Variants in HIPK3 observed in about 807,000 individuals in gnomAD.
HIPK3 encodes homeodomain interacting protein kinase 3.
Under a neutral mutation model 124.2 loss-of-function variants are expected in HIPK3, and 47 were observed. The observed-to-expected ratio is 0.38, with a 90% CI of 0.30 to 0.48. The LOEUF is 0.48. Ranked by LOEUF, HIPK3 falls within the 20% of genes least tolerant of loss-of-function variation. HIPK3 has a pLI of 0.98. For synonymous variants in HIPK3, 482 were observed against 515.2 expected, an observed-to-expected ratio of 0.94 and a Z score of 0.87; for missense variants, 1,286 against 1,454.3, an observed-to-expected ratio of 0.88 and a Z score of 1.88.
Position 33,348,548 on chromosome 11 carries a change from T to A in HIPK3, c.2396T>A (p.Ile799Asn). ...AGTAATTCATTACAGAATACCAATA[T>A]CCCACATTCAGCATTTATTTCTCCA... is the stretch of plus-strand genomic sequence containing the variant. ...SWSNSLQNTN[I>N]PHSAFISPKI... The change falls in exon 13 of 17, where the codon ATC (isoleucine) becomes AAC (asparagine). Residue 799 changes from isoleucine to asparagine, a missense_variant. Physicochemically the swap from Ile to Asn is moderately radical, Grantham distance 149. Transcript: ENST00000303296. The A allele has an allele frequency of 6.2e-7, 1 of 1,612,504 alleles. No homozygotes were observed. Among genetic ancestry groups the A allele is most frequent in the Non-Finnish European group, 8.5e-7 (1 of 1,178,566 alleles).
chr11:33,299,883 C>G (rs1343325849), intron 2 of HIPK3, among the ~76,000 whole-genome samples: 1 of 151,318 alleles, frequency 6.6e-6, no homozygotes, highest in Non-Finnish European at 1.5e-5. Flanking sequence ...ATTAGCTGAG[C>G]TTGGTGGTGT....
intron 1 of HIPK3, among the ~76,000 whole-genome samples, chr11:33,277,301 C>G (rs1002447991): frequency 3.3e-5 from 5 of 152,100 alleles, no homozygotes; most frequent in African/African-American, 9.7e-5. Context: ...ATGATACATG[C>G]TCTTCTGCAA....
intron 14 of HIPK3, among the ~76,000 whole-genome samples, 174 bp downstream of exon 14, chr11:33,349,461 G>A (rs1322460147): frequency 6.6e-6 from 1 of 151,306 alleles, no homozygotes; most frequent in African/African-American, 2.5e-5. Flanking sequence ...TTGTTTGTTT[G>A]TTTTTGAGAC....
At chr11:33,302,672 T>C (rs1852040476) in intron 2 of HIPK3, among the ~76,000 whole-genome samples, 1 of 152,188 alleles carries the variant, frequency 6.6e-6, no homozygotes, top group African/African-American at 2.4e-5. Flanking sequence ...CCAGTGCGTT[T>C]GATTCAATAA....
intron 2 of HIPK3, among the ~76,000 whole-genome samples, chr11:33,305,437 AATG>A (rs1376819248): frequency 6.6e-6 from 1 of 152,252 alleles, no homozygotes; most frequent in African/African-American, 2.4e-5. Flanking sequence ...TTCATGAAAT[AATG>A]ATATTTACTG....
At chr11:33,342,054 G>A (rs1853350981) in intron 8 of HIPK3, among the ~76,000 whole-genome samples, 1 of 135,838 alleles carries the variant, frequency 7.4e-6, no homozygotes, top group Admixed American at 8.5e-5. Context: ...AGAGAGCCGA[G>A]ATTGCGCCAC....
intron 1 of HIPK3, among the ~76,000 whole-genome samples, chr11:33,265,384 C>T (rs1013839768): frequency 3.3e-5 from 5 of 152,060 alleles, no homozygotes; most frequent in Admixed American, 1.3e-4. Flanking sequence ...GTTTAATGTG[C>T]TTTAAATATT....
intron 2 of HIPK3, among the ~76,000 whole-genome samples, chr11:33,326,994 G>T (rs1852830685): frequency 6.6e-6 from 1 of 151,948 alleles, no homozygotes; most frequent in Non-Finnish European, 1.5e-5. Flanking sequence ...GAAAATCTGA[G>T]AATCAAAATA....
rs994408098 is a variant in HIPK3 at position 33,353,398 on chromosome 11, A to G, written c.3478A>G (p.Ile1160Val). 6.2e-7 allele frequency: 1 copy of G among 1,614,000 alleles called. No homozygotes were observed. Among genetic ancestry groups the G allele is most frequent in the African/African-American group, 1.3e-5 (1 of 74,876 alleles). ...PTYNISHPSGIVHQVPVGLNP... is the reference protein window; with the variant it reads ...PTYNISHPSGVVHQVPVGLNP... ...TTATAATATCTCCCATCCCAGTGGC[A>G]TAGTTCACCAAGTCCCAGTGGGCTT... is the stretch of plus-strand genomic sequence containing the variant. Residue 1160 changes from isoleucine to valine, a missense_variant, in exon 17 of 17, where the codon ATA becomes GTA. Around this residue, in one of 3 missense-constraint regions of HIPK3, gnomAD observed 810 missense variants for 864.9 expected, o/e 0.94. Transcript: ENST00000303296.
upstream of HIPK3, chr11:33,257,378 G>A: frequency 2.5e-5 from 25 of 985,026 alleles, no homozygotes; most frequent in Non-Finnish European, 3.0e-5. Flanking sequence ...GGCTGGGGCG[G>A]CTGGTGGCAG....
At position 33,297,431 on chromosome 11, in the gene HIPK3, A is replaced by G. The variant is rs563670818; in HGVS notation, c.1097+9920A>G. ...TGTGGTCTGGATAAGTGATCAAATT[A>G]GTCACAACATTCCCTTAAGCCAAAC... On this transcript the variant is annotated intron_variant, in intron 2 of 16. Transcript: ENST00000303296. Among the ~76,000 whole-genome samples, 4 of 152,298 alleles carry G rather than the reference A, an allele frequency of 2.6e-5. No individual in the cohort carries two copies. In the South Asian group the frequency reaches 8.3e-4, roughly 32 times the overall value.
At chr11:33,284,022 G>C (rs1851481917) in intron 1 of HIPK3, among the ~76,000 whole-genome samples, 2 of 152,134 alleles carry the variant, frequency 1.3e-5, no homozygotes, top group Non-Finnish European at 2.9e-5. Flanking sequence ...GCTATGATTA[G>C]ATAAAATATT....
At chr11:33,270,101 C>T (rs1476710656) in intron 1 of HIPK3, among the ~76,000 whole-genome samples, 2 of 152,090 alleles carry the variant, frequency 1.3e-5, no homozygotes, top group Non-Finnish European at 2.9e-5. Context: ...CCTCAGCTTC[C>T]CGAGTAGCTG....
intron 2 of HIPK3, among the ~76,000 whole-genome samples, chr11:33,311,910 TAC>T (rs71034671): frequency 0.29 from 32,992 of 114,232 alleles, 5,332 homozygotes; most frequent in East Asian, 0.44. Flanking sequence ...ACCCTGTTTC[TAC>T]ACACACACAC....
Position 33,283,518 on chromosome 11 carries a change from A to G in HIPK3, c.-2-2895A>G, listed in dbSNP as rs148980655. Among the ~76,000 whole-genome samples the G allele has an allele frequency of 4.5e-3, 681 of 152,286 alleles. 4 individuals carry two copies. Among genetic ancestry groups the G allele is most frequent in the African/African-American group, 0.015 (638 of 41,558 alleles). On this transcript the variant is annotated intron_variant, in intron 1 of 16. Coordinates refer to ENST00000303296, the MANE Select transcript of HIPK3 (RefSeq NM_005734.5). ...TTATTAAGGTCAAGTCAACTTAGGA[A>G]TGTGGTAGACTGTGCACAAGAAAAC...
intron 11 of HIPK3, 71 bp from the exon 12 acceptor site, chr11:33,348,095 G>A: frequency 6.2e-7 from 1 of 1,605,676 alleles, no homozygotes; most frequent in East Asian, 2.2e-5. Flanking sequence ...GGGTCACTCT[G>A]TTGTATTCAA....
At chr11:33,341,737 A>G (rs1015140641) in intron 8 of HIPK3, 51 bp downstream of exon 8, 3 of 1,497,890 alleles carry the variant, frequency 2.0e-6, no homozygotes, top group Non-Finnish European at 2.7e-6. Flanking sequence ...TTTATTTTAA[A>G]ATAAGTTTAG....
At chr11:33,283,949 A>G (rs1256574754) in intron 1 of HIPK3, among the ~76,000 whole-genome samples, 2 of 152,186 alleles carry the variant, frequency 1.3e-5, no homozygotes, top group South Asian at 4.1e-4. Context: ...TGCTGGGAAT[A>G]CAGGCATGAG....
intron 1 of HIPK3, among the ~76,000 whole-genome samples, chr11:33,261,098 A>ATG (rs1393020863): frequency 1.4e-5 from 2 of 145,716 alleles, no homozygotes; most frequent in Admixed American, 7.1e-5. Context: ...AAGGGATTAT[A>ATG]TGTATATATA....
Sources: allele counts gnomAD v4.1 joint callset (sites outside exome capture counted in the v4.1 genomes callset), GRCh38; gene constraint gnomAD v4.1.1; regional missense constraint gnomAD v4.1.1; transcripts MANE v1.5; gene names NCBI Gene and HGNC (gene_info 2026-07-23, HGNC 2026-07-21).